Variants in SEC23B observed in about 807,000 individuals in gnomAD.
SEC23B encodes SEC23 homolog B, COPII component, also known as protein transport protein Sec23B.
SEC23B carries 77 observed loss-of-function variants against 104.3 expected under a neutral mutation model. The ratio of observed to expected loss-of-function variants is 0.74; its 90% CI spans 0.61 to 0.89. The LOEUF (loss-of-function observed/expected upper bound fraction) is 0.89. Among genes scored for constraint, SEC23B ranks in the 40% least tolerant of loss-of-function variants. SEC23B has a pLI of 0.00. For synonymous variants in SEC23B, 338 were observed against 332.5 expected, an observed-to-expected ratio of 1.02 and a Z score of -0.18; for missense variants, 885 against 949.4, an observed-to-expected ratio of 0.93 and a Z score of 0.89.
intron 14 of SEC23B, among the ~76,000 whole-genome samples, chr20:18,543,419 T>C (rs1267567332): frequency 2.0e-5 from 3 of 152,096 alleles, no homozygotes; most frequent in Admixed American, 1.3e-4. Context: ...TCTGTGTGGG[T>C]TGAGTTGACT....
At chr20:18,517,323 G>A (rs2060038558) in intron 4 of SEC23B, among the ~76,000 whole-genome samples, 2 of 152,202 alleles carry the variant, frequency 1.3e-5, no homozygotes. Context: ...ATCTCACAAA[G>A]TACGTTCTCA....
intron 7 of SEC23B, 78 bp from the exon 8 acceptor site, chr20:18,526,295 G>A (rs2060133274): frequency 1.3e-6 from 2 of 1,491,556 alleles, no homozygotes; most frequent in Non-Finnish European, 1.9e-6. Flanking sequence ...CATCTTTGGA[G>A]TATTTCTATT....
rs138139679 is a variant in SEC23B, at chr20:18,537,837, A to G, written c.1404+2095A>G. Among the ~76,000 whole-genome samples, 947 of 152,272 alleles carry G rather than the reference A, an allele frequency of 6.2e-3. 6 individuals carry two copies. The highest frequency in any genetic ancestry group is 0.022 in the African/African-American group (904 of 41,556). On this transcript the variant is annotated intron_variant, in intron 12 of 19. Transcript: ENST00000650089. ...TGCTCATCTGATCCTTTAGTGAGTC[A>G]TACTCTTTTGCTGGTGGAAGGTCTT... is the stretch of plus-strand genomic sequence containing the variant.
chr20:18,512,981 C>G (rs932063712), intron 3 of SEC23B, among the ~76,000 whole-genome samples: 2 of 152,104 alleles, frequency 1.3e-5, no homozygotes, highest in Non-Finnish European at 1.5e-5. Context: ...GTCAAGAGAT[C>G]AAGACCATCC....
chr20:18,535,566 C>G, intron 11 of SEC23B, 87 bp from the exon 12 acceptor site: 1 of 954,426 alleles, frequency 1.0e-6, no homozygotes, highest in South Asian at 1.3e-5. Flanking sequence ...AAGTAGCCTG[C>G]CCTACTCAGT....
upstream of SEC23B, chr20:18,507,728 C>G (rs2059941768): frequency 6.6e-6 from 1 of 152,402 alleles, no homozygotes; most frequent in Admixed American, 6.5e-5. Flanking sequence ...GAAACGTGTT[C>G]CGAGGAACTC....
chr20:18,519,064 A>G (rs2060059609), intron 4 of SEC23B, among the ~76,000 whole-genome samples: 1 of 152,164 alleles, frequency 6.6e-6, no homozygotes. Context: ...AGCCTCAATG[A>G]TAGATGTGGA....
intron 19 of SEC23B, among the ~76,000 whole-genome samples, chr20:18,559,528 G>A (rs2060473582): frequency 6.6e-6 from 1 of 152,120 alleles, no homozygotes; most frequent in Non-Finnish European, 1.5e-5. Context: ...AATTGTAGCT[G>A]CCCACCCAGC....
rs1186154919 is a variant in SEC23B, at chr20:18,545,858, G to A, written c.1666-98G>A. The A allele has an allele frequency of 3.8e-6, 3 of 789,168 alleles. No homozygotes were observed. In the African/African-American group the frequency reaches 5.0e-5, roughly 13 times the overall value. The allele number at this position is 789,168 out of a possible 1,614,324, so 48.9% of individuals were successfully genotyped here. A position where few individuals can be genotyped will look rare whatever the true frequency, so the allele number is the denominator to read the frequency against. On this transcript the variant is annotated intron_variant, in intron 14 of 19. Transcript: ENST00000650089. ...GTAAGTGGCAGAGTTCAGACTGGAT[G>A]TAGCTTAGTCCAGGAATATTTCCAG...
At chr20:18,555,721 A>G (rs938583434) in intron 19 of SEC23B, among the ~76,000 whole-genome samples, 2 of 152,158 alleles carry the variant, frequency 1.3e-5, no homozygotes, top group African/African-American at 4.8e-5. Context: ...TGTAAGAAAT[A>G]ATACAGAGAG....
chr20:18,527,759 G>T (rs1429728071), intron 9 of SEC23B, 148 bp downstream of exon 9: 3 of 749,104 alleles, frequency 4.0e-6, no homozygotes, highest in African/African-American at 1.7e-5. Flanking sequence ...GGGAGGGCCT[G>T]TGGGCTCCTT....
intron 19 of SEC23B, 26 bp from the exon 20 acceptor site, chr20:18,560,625 A>G (rs1197353796): frequency 2.5e-6 from 4 of 1,573,650 alleles, no homozygotes; most frequent in Non-Finnish European, 2.6e-6. Flanking sequence ...GATATCTGCC[A>G]ACTAATCTTT....
chr20:18,551,077 CTT>C lies in SEC23B; in HGVS notation c.1906-8_1906-7del. ...GAAGACCAATGCCATCTTTCTCTCTCTTTTTCTTCAGCCAGTACTCTTGGATA... is the reference window on the plus strand; with the variant it reads ...GAAGACCAATGCCATCTTTCTCTCTCTTTCTTCAGCCAGTACTCTTGGATA... On this transcript the variant is annotated splice_polypyrimidine_tract_variant and intron_variant, in intron 16 of 19. Transcript: ENST00000650089. 2 of 1,584,294 alleles carry C rather than the reference CTT, an allele frequency of 1.3e-6. No homozygotes were observed. The highest frequency in any genetic ancestry group is 1.7e-6 in the Non-Finnish European group (2 of 1,159,912).
chr20:18,524,533 GTCT>G lies in SEC23B; in HGVS notation c.473_475del (p.Leu158del), dbSNP rs771152079. On this transcript the variant is annotated inframe_deletion, in exon 5 of 20. Transcript: ENST00000650089. ...AAAGAGTCCCTGCAGATGTCCCTGAGTCTTCTTCCTCCAGATGCTCTGGTGGGT... is the reference window on the plus strand; with the variant it reads ...AAAGAGTCCCTGCAGATGTCCCTGAGTCTTCCTCCAGATGCTCTGGTGGGT... 1 of 1,614,196 alleles carries G rather than the reference GTCT, an allele frequency of 6.2e-7. No individual in the cohort carries two copies. The highest frequency in any genetic ancestry group is 8.5e-7 in the Non-Finnish European group (1 of 1,180,030).
At chr20:18,551,626 A>C (rs1244680870) in intron 17 of SEC23B, among the ~76,000 whole-genome samples, 1 of 152,108 alleles carries the variant, frequency 6.6e-6, no homozygotes, top group Non-Finnish European at 1.5e-5. Flanking sequence ...AGATGGGAGA[A>C]TCACTTAAAC....
intron 13 of SEC23B, 64 bp downstream of exon 13, chr20:18,542,466 T>C: frequency 1.5e-6 from 2 of 1,371,340 alleles, no homozygotes; most frequent in Non-Finnish European, 2.1e-6. Context: ...GAAGAGATAC[T>C]TTAACATTTG....
chr20:18,552,254 G>C (rs1161136419), intron 17 of SEC23B, among the ~76,000 whole-genome samples: 1 of 152,164 alleles, frequency 6.6e-6, no homozygotes, highest in African/African-American at 2.4e-5. Flanking sequence ...CTTAGGAAGT[G>C]TTAGTTTTCT....
intron 19 of SEC23B, among the ~76,000 whole-genome samples, chr20:18,558,395 T>C (rs2060460901): frequency 6.6e-6 from 1 of 152,188 alleles, no homozygotes; most frequent in African/African-American, 2.4e-5. Flanking sequence ...TTGGCATGGA[T>C]TTCTGTGGGT....
intron 16 of SEC23B, among the ~76,000 whole-genome samples, chr20:18,549,097 C>CA (rs879910579): frequency 1.2e-3 from 170 of 141,918 alleles, no homozygotes; most frequent in African/African-American, 3.5e-3. Context: ...GACTTTGTGC[C>CA]AAAAAAAAAA....
Sources: allele counts gnomAD v4.1 joint callset (sites outside exome capture counted in the v4.1 genomes callset), GRCh38; gene constraint gnomAD v4.1.1; transcripts MANE v1.5; gene names NCBI Gene and HGNC (gene_info 2026-07-23, HGNC 2026-07-21).